TENM4: variants seen among roughly 807,000 people sequenced by gnomAD.
TENM4 encodes the protein teneurin-4.
In TENM4, 82 loss-of-function variants were observed where a neutral mutation model predicts 243.3. That is an observed-to-expected ratio of 0.34 (90% confidence interval 0.28 to 0.40). The LOEUF (loss-of-function observed/expected upper bound fraction) is 0.40, where lower values mean the gene tolerates loss of function less well. TENM4 is among the 10% of genes least tolerant of loss of function. TENM4 has a pLI of 1.00. For missense variants in TENM4, 3,138 were observed against 3,673.3 expected, an observed-to-expected ratio of 0.85 and a Z score of 3.77; for synonymous variants, 1,412 against 1,456.3, an observed-to-expected ratio of 0.97 and a Z score of 0.69.
At chr11:78,912,541 C>T (rs1856212754) in intron 6 of TENM4, among the ~76,000 whole-genome samples, 1 of 152,214 alleles carries the variant, frequency 6.6e-6, no homozygotes, top group South Asian at 2.1e-4. Context: ...CAGGCGTGAG[C>T]CACCGCGCCT....
intron 1 of TENM4, among the ~76,000 whole-genome samples, chr11:79,390,173 C>T (rs1858202477): frequency 6.6e-6 from 1 of 152,164 alleles, no homozygotes; most frequent in African/African-American, 2.4e-5. Flanking sequence ...GGAAATAGTG[C>T]AGGGCTTGGC....
At chr11:79,233,403 C>A (rs1251662046) in intron 2 of TENM4, among the ~76,000 whole-genome samples, 1 of 152,062 alleles carries the variant, frequency 6.6e-6, no homozygotes, top group Non-Finnish European at 1.5e-5. Context: ...GCTATGAAGA[C>A]CAGGGAGGAG....
chr11:78,793,525 A>AT (rs1857101893), intron 15 of TENM4, among the ~76,000 whole-genome samples: 1 of 152,166 alleles, frequency 6.6e-6, no homozygotes, highest in African/African-American at 2.4e-5. Context: ...TCCTGCCACG[A>AT]TTTTTTGTTT....
intron 4 of TENM4, among the ~76,000 whole-genome samples, chr11:79,127,848 T>C (rs188683337): frequency 1.3e-5 from 2 of 152,338 alleles, no homozygotes; most frequent in Admixed American, 1.3e-4. Context: ...AGTCCAGTGG[T>C]ATGGGGCCTG....
chr11:79,282,277 C>T (rs961659520), intron 2 of TENM4, among the ~76,000 whole-genome samples: 3 of 152,176 alleles, frequency 2.0e-5, no homozygotes, highest in Admixed American at 1.3e-4. Flanking sequence ...TCCAATATCC[C>T]TCATCAGATT....
intron 9 of TENM4, among the ~76,000 whole-genome samples, chr11:78,875,965 CTTGTTTG>C (rs1229516168): frequency 6.6e-6 from 1 of 152,136 alleles, no homozygotes. Context: ...CAATGTGGCC[CTTGTTTG>C]TTCTGAGCCT....
chr11:78,768,935 T>C (rs1856595267), intron 18 of TENM4, among the ~76,000 whole-genome samples: 1 of 152,204 alleles, frequency 6.6e-6, no homozygotes, highest in Non-Finnish European at 1.5e-5. Context: ...TTGAATTGCA[T>C]TTCATGGGAG....
intron 25 of TENM4, among the ~76,000 whole-genome samples, chr11:78,715,421 G>T (rs1183490817): frequency 6.6e-6 from 1 of 152,172 alleles, no homozygotes; most frequent in Non-Finnish European, 1.5e-5. Context: ...AGGGGGCCCT[G>T]TCCACTTAGA....
chr11:78,746,931 C>CCTT (rs1431593877), intron 19 of TENM4, among the ~76,000 whole-genome samples: 1 of 152,182 alleles, frequency 6.6e-6, no homozygotes, highest in African/African-American at 2.4e-5. Context: ...ATGTGTCTCG[C>CCTT]CTTCTGTCAG....
At chr11:78,834,083 C>T (rs1032432761) in intron 12 of TENM4, among the ~76,000 whole-genome samples, 2 of 152,174 alleles carry the variant, frequency 1.3e-5, no homozygotes, top group Admixed American at 6.5e-5. Flanking sequence ...AGATTTTGGA[C>T]TTGCTGAATT....
chr11:79,401,379 T>G (rs1858458517), intron 1 of TENM4, among the ~76,000 whole-genome samples: 1 of 152,222 alleles, frequency 6.6e-6, no homozygotes, highest in Non-Finnish European at 1.5e-5. Context: ...GCACACGTGC[T>G]GAGGCTGTCT....
intron 17 of TENM4, among the ~76,000 whole-genome samples, chr11:78,776,717 G>A (rs1839629313): frequency 6.6e-6 from 1 of 152,166 alleles, no homozygotes; most frequent in South Asian, 2.1e-4. Context: ...TTTAAAACAA[G>A]TTATGATTCA....
At chr11:78,846,396 T>A (rs1438629826) in intron 12 of TENM4, among the ~76,000 whole-genome samples, 2 of 152,216 alleles carry the variant, frequency 1.3e-5, no homozygotes, top group Admixed American at 6.5e-5. Flanking sequence ...CTATTTTACA[T>A]ACCAGTGACA....
intron 16 of TENM4, among the ~76,000 whole-genome samples, chr11:78,783,173 T>C (rs1217060991): frequency 6.6e-6 from 1 of 152,188 alleles, no homozygotes; most frequent in Non-Finnish European, 1.5e-5. Context: ...TTAAACGCCT[T>C]GTTAAATTTA....
At chr11:79,095,371 C>T (rs1861052953) in intron 4 of TENM4, among the ~76,000 whole-genome samples, 1 of 152,210 alleles carries the variant, frequency 6.6e-6, no homozygotes, top group Admixed American at 6.5e-5. Flanking sequence ...CAGTACCCCA[C>T]ACTTAGCGAG....
intron 3 of TENM4, among the ~76,000 whole-genome samples, chr11:79,171,067 A>C (rs1863029198): frequency 6.6e-6 from 1 of 152,186 alleles, no homozygotes; most frequent in Admixed American, 6.5e-5. Flanking sequence ...TTCCCATTAC[A>C]TGAAGGACAT....
At chr11:79,130,547 G>T (rs1247407041) in intron 4 of TENM4, among the ~76,000 whole-genome samples, 1 of 152,168 alleles carries the variant, frequency 6.6e-6, no homozygotes, top group Admixed American at 6.5e-5. Context: ...AAACAGTCCA[G>T]GTGCAGTGGC....
rs552322431 is a variant in TENM4 at position 79,225,046 on chromosome 11, C to A, written c.-264-9137G>T. 1.5e-4 allele frequency among the ~76,000 whole-genome samples: 23 copies of A among 152,210 alleles called. 1 individual carries two copies. The South Asian group carries it at 4.8e-3, about 32-fold the overall frequency. ...AGATGGGATTCACGCTGTCCCAAGC[C>A]AAAGAAACAGCAGAAAGAAAAGTCC... On this transcript the variant is annotated intron_variant, in intron 2 of 33. Coordinates refer to ENST00000278550, the MANE Select transcript of TENM4 (RefSeq NM_001098816.3).
chr11:79,164,649 C>T (rs2135099199), intron 3 of TENM4, among the ~76,000 whole-genome samples: 1 of 148,752 alleles, frequency 6.7e-6, no homozygotes, highest in Non-Finnish European at 1.5e-5. Context: ...ACTTGTATCT[C>T]CCAGAATTCC....
Sources: allele counts gnomAD v4.1 joint callset (sites outside exome capture counted in the v4.1 genomes callset), GRCh38; gene constraint gnomAD v4.1.1; transcripts MANE v1.5; gene names NCBI Gene and HGNC (gene_info 2026-07-23, HGNC 2026-07-21).